RANBP2: variants seen among roughly 807,000 people sequenced by gnomAD.
The protein encoded by RANBP2 is RAN binding protein 2.
In RANBP2, 57 loss-of-function variants were observed where a neutral mutation model predicts 303.6. The observed-to-expected ratio is 0.19, with a 90% CI of 0.15 to 0.23. RANBP2 has a LOEUF of 0.23. Ranked by LOEUF, RANBP2 falls within the 10% of genes least tolerant of loss-of-function variation. The probability of loss-of-function intolerance (pLI) is 1.00; values close to 1 mark genes in which losing one functional copy is unlikely to be tolerated. For missense variants in RANBP2, 3,138 were observed against 3,780.8 expected (o/e 0.83, Z 4.46); for synonymous variants, 1,167 against 1,301.5 (o/e 0.90, Z 2.23).
At chr2:109,798,904 A>G in the RANBP2 span, among the ~76,000 whole-genome samples, 3 of 4,114 alleles carry the variant, frequency 7.3e-4, no homozygotes, top group Non-Finnish European at 1.8e-3. Flanking sequence ...CATAGTTGGA[A>G]GCAAAGAAGG....
At chr2:109,277,882 A>C in the RANBP2 span, among the ~76,000 whole-genome samples, 1 of 152,302 alleles carries the variant, frequency 6.6e-6, no homozygotes, top group African/African-American at 2.4e-5. Flanking sequence ...CTTCTGCTGA[A>C]AGGCATTTCA....
chr2:108,875,870 AG>A, the RANBP2 span, among the ~76,000 whole-genome samples: 1 of 152,102 alleles, frequency 6.6e-6, no homozygotes, highest in Admixed American at 6.5e-5. Context: ...AAGAAAAAAA[AG>A]TTTTCTTTTT....
At chr2:108,741,046 T>C (rs565264524) in intron 7 of RANBP2, among the ~76,000 whole-genome samples, 14 of 152,306 alleles carry the variant, frequency 9.2e-5, no homozygotes, top group African/African-American at 3.1e-4. Context: ...AATAAGTAGA[T>C]GTAGGGCAAT....
chr2:108,822,894 T>G, the RANBP2 span, among the ~76,000 whole-genome samples: 1 of 151,998 alleles, frequency 6.6e-6, no homozygotes, highest in East Asian at 1.9e-4. Flanking sequence ...ATCAACAAAA[T>G]TGACAAACCG....
the RANBP2 span, among the ~76,000 whole-genome samples, chr2:109,456,955 G>T: frequency 6.6e-6 from 1 of 152,236 alleles, no homozygotes; most frequent in Non-Finnish European, 1.5e-5. Flanking sequence ...AGCGAGTGAA[G>T]CTTGAATTTG....
At chr2:108,772,680 A>G in intron 22 of RANBP2, 99 bp downstream of exon 22, 3 of 1,307,208 alleles carry the variant, frequency 2.3e-6, no homozygotes, top group Non-Finnish European at 3.2e-6. Context: ...CGATTTTACG[A>G]TGCCCATGGT....
At chr2:109,519,176 C>A in the RANBP2 span, among the ~76,000 whole-genome samples, 1 of 152,072 alleles carries the variant, frequency 6.6e-6, no homozygotes, top group Non-Finnish European at 1.5e-5. Context: ...ACCTCAACCT[C>A]CCAAAGTGCT....
the RANBP2 span, among the ~76,000 whole-genome samples, chr2:109,205,158 G>A: frequency 1.3e-5 from 2 of 152,000 alleles, no homozygotes; most frequent in South Asian, 2.1e-4. Flanking sequence ...AATGAGCCAT[G>A]TTTATGCCGC....
chr2:108,931,249 A>G, the RANBP2 span, among the ~76,000 whole-genome samples: 1 of 152,184 alleles, frequency 6.6e-6, no homozygotes, highest in Non-Finnish European at 1.5e-5. Context: ...CCTGGGAGGG[A>G]GCCTGAGAGG....
At chr2:109,741,454 C>T in the RANBP2 span, among the ~76,000 whole-genome samples, 2 of 149,568 alleles carry the variant, frequency 1.3e-5, no homozygotes, top group Non-Finnish European at 3.0e-5. Flanking sequence ...CTCGGTGCCC[C>T]ACGCCTGTAA....
chr2:109,558,611 G>A, the RANBP2 span, among the ~76,000 whole-genome samples: 8 of 152,198 alleles, frequency 5.3e-5, no homozygotes, highest in African/African-American at 1.4e-4. Flanking sequence ...TGCTATTTAC[G>A]TGGGCCTCGT....
the RANBP2 span, among the ~76,000 whole-genome samples, chr2:109,215,822 A>T: frequency 6.6e-6 from 1 of 152,044 alleles, no homozygotes; most frequent in African/African-American, 2.4e-5. Flanking sequence ...AGGTTGCACG[A>T]GTTTGTTCCT....
the RANBP2 span, among the ~76,000 whole-genome samples, chr2:109,572,334 C>T: frequency 2.0e-5 from 3 of 152,112 alleles, no homozygotes; most frequent in Non-Finnish European, 2.9e-5. Context: ...GGGGTTTCAC[C>T]GTGTTAGCCA....
chr2:108,744,069 C>A (rs890904367), intron 7 of RANBP2, among the ~76,000 whole-genome samples: 1 of 152,146 alleles, frequency 6.6e-6, no homozygotes, highest in African/African-American at 2.4e-5. Context: ...ATCTGCATTG[C>A]AGCTAGGTAG....
chr2:109,160,229 C>T, the RANBP2 span, among the ~76,000 whole-genome samples: 3 of 152,162 alleles, frequency 2.0e-5, no homozygotes, highest in Non-Finnish European at 2.9e-5. Flanking sequence ...CCAGGTCAGT[C>T]GGTAGCTGCT....
In RANBP2 at chr2:108,764,755, G is replaced by A. The variant is rs777082127; in HGVS notation, c.4216G>A (p.Asp1406Asn). 24 of 1,613,922 alleles carry A rather than the reference G, an allele frequency of 1.5e-5. No individual in the cohort carries two copies. Among genetic ancestry groups the A allele is most frequent in the Admixed American group, 6.7e-5 (4 of 59,974 alleles). The change falls in exon 20 of 29, where the codon GAT becomes AAT. Residue 1406 changes from aspartate to asparagine, a missense_variant. Around this residue, in one of 20 missense-constraint regions of RANBP2, gnomAD observed 388 missense variants for 328.5 expected, o/e 1.18. Coordinates refer to ENST00000283195, the MANE Select transcript of RANBP2 (RefSeq NM_006267.5). ...TPKTSPENVQ[D>N]RFALVTPKKE... ...TAAAACCAGCCCAGAGAATGTTCAAGATCGATTTGCATTGGTGACTCCAAA... is the reference window on the plus strand; with the variant it reads ...TAAAACCAGCCCAGAGAATGTTCAAAATCGATTTGCATTGGTGACTCCAAA...
At chr2:108,880,552 T>C in the RANBP2 span, among the ~76,000 whole-genome samples, 1 of 152,108 alleles carries the variant, frequency 6.6e-6, no homozygotes, top group Non-Finnish European at 1.5e-5. Context: ...GACTCTCTTG[T>C]TAGAGTTTAA....
intron 5 of RANBP2, 35 bp from the exon 6 acceptor site, chr2:108,736,069 A>T (rs186029025): frequency 6.2e-7 from 1 of 1,611,716 alleles, no homozygotes; most frequent in East Asian, 2.2e-5. Flanking sequence ...ACATTTGATT[A>T]AGTTTTGTAA....
At chr2:109,250,781 G>A in the RANBP2 span, among the ~76,000 whole-genome samples, 1 of 151,668 alleles carries the variant, frequency 6.6e-6, no homozygotes, top group Non-Finnish European at 1.5e-5. Flanking sequence ...GAAAAAAAAA[G>A]TGCTTCAATA....
Sources: allele counts gnomAD v4.1 joint callset (sites outside exome capture counted in the v4.1 genomes callset), GRCh38; gene constraint gnomAD v4.1.1; regional missense constraint gnomAD v4.1.1; transcripts MANE v1.5; gene names NCBI Gene and HGNC (gene_info 2026-07-23, HGNC 2026-07-21).